The following BASP1 variants were observed in gnomAD, a reference collection of about 807,000 sequenced individuals.
BASP1 encodes the protein brain acid soluble protein 1.
In BASP1, 1 loss-of-function variant was observed where a neutral mutation model predicts 2.2. That is an observed-to-expected ratio of 0.46 (90% CI 0.16 to 2.17). The LOEUF (loss-of-function observed/expected upper bound fraction) is 2.17, where lower values mean the gene tolerates loss of function less well. Ranked by LOEUF, BASP1 falls within the 30% of genes most tolerant of loss-of-function variation. The pLI is 0.27. For missense variants in BASP1, 352 were observed against 327.2 expected (o/e 1.08, Z -0.58); for synonymous variants, 187 against 154.2 (o/e 1.21, Z -1.58).
At chr5:17,244,749 T>C (rs1455171872) in intron 1 of BASP1, among the ~76,000 whole-genome samples, 4 of 150,552 alleles carry the variant, frequency 2.7e-5, no homozygotes, top group Admixed American at 2.6e-4. Flanking sequence ...TGTAGTGCAG[T>C]GGTGCGATCT....
chr5:17,242,641 TTTTAA>T (rs1739890808), intron 1 of BASP1, among the ~76,000 whole-genome samples: 1 of 152,208 alleles, frequency 6.6e-6, no homozygotes, highest in African/African-American at 2.4e-5. Flanking sequence ...GGGCTTCTTA[TTTTAA>T]TTTAAGGGGG....
At position 17,236,333 on chromosome 5, in the gene BASP1, G is replaced by A. The variant is rs538839537; in HGVS notation, c.-10+18523G>A. Among the ~76,000 whole-genome samples, 16 of 152,112 alleles carry A rather than the reference G, an allele frequency of 1.1e-4. No individual in the cohort carries two copies. The highest frequency in any genetic ancestry group is 3.4e-3 in the Middle Eastern group (1 of 294). On this transcript the variant is annotated intron_variant, in intron 1 of 1. Coordinates refer to ENST00000322611, the MANE Select transcript of BASP1 (RefSeq NM_006317.5). This position sits in a 1 kb window ranked among gnomAD's most constrained non-coding sequence, Gnocchi z 4.0. ...GGCTGGAGTGTAATGGCGTGATCTCGGCTCACTGTGGCCTCTGCCTCCCGG... is the reference window on the plus strand; with the variant it reads ...GGCTGGAGTGTAATGGCGTGATCTCAGCTCACTGTGGCCTCTGCCTCCCGG...
chr5:17,250,557 G>A (rs1203279889), intron 1 of BASP1, among the ~76,000 whole-genome samples: 2 of 152,064 alleles, frequency 1.3e-5, no homozygotes, highest in South Asian at 2.1e-4. Context: ...GGAAGGGGTC[G>A]CATGAATATT....
intron 1 of BASP1, among the ~76,000 whole-genome samples, chr5:17,245,018 G>GT (rs1225698250): frequency 1.3e-5 from 2 of 149,468 alleles, no homozygotes; most frequent in Non-Finnish European, 1.5e-5. Context: ...AAATATCAGT[G>GT]TTGAGCCGGG....
intron 1 of BASP1, among the ~76,000 whole-genome samples, chr5:17,232,445 G>A (rs1401040231): frequency 3.9e-5 from 6 of 152,190 alleles, no homozygotes; most frequent in African/African-American, 9.7e-5. Context: ...AAGTAAAAAC[G>A]AATTTAGCTC....
chr5:17,219,209 C>T (rs1342085340), intron 1 of BASP1, among the ~76,000 whole-genome samples: 1 of 151,884 alleles, frequency 6.6e-6, no homozygotes, highest in Non-Finnish European at 1.5e-5. Context: ...GTCTTGGCCT[C>T]GCGCATGCGC....
chr5:17,267,896 C>T (rs999084648), intron 1 of BASP1, among the ~76,000 whole-genome samples: 3 of 136,876 alleles, frequency 2.2e-5, no homozygotes, highest in South Asian at 4.8e-4. Context: ...GTTGAAATGA[C>T]GTATGAAGAC....
intron 1 of BASP1, among the ~76,000 whole-genome samples, chr5:17,237,094 G>C (rs1272061285): frequency 6.6e-6 from 1 of 151,978 alleles, no homozygotes; most frequent in Non-Finnish European, 1.5e-5. Context: ...GCCTGTAATT[G>C]CAGCACTTTG....
intron 1 of BASP1, among the ~76,000 whole-genome samples, chr5:17,242,243 A>G (rs952191106): frequency 6.6e-6 from 1 of 152,194 alleles, no homozygotes; most frequent in Non-Finnish European, 1.5e-5. Context: ...AAATGCAAGA[A>G]ATAGTAGAAG....
chr5:17,250,958 A>G (rs1033294650), intron 1 of BASP1, among the ~76,000 whole-genome samples: 7 of 152,228 alleles, frequency 4.6e-5, no homozygotes, highest in African/African-American at 1.7e-4. Flanking sequence ...AGCGATCTAC[A>G]CGCTGTTAGA....
intron 1 of BASP1, among the ~76,000 whole-genome samples, chr5:17,271,683 AT>A (rs369343687): frequency 6.6e-6 from 1 of 152,228 alleles, no homozygotes; most frequent in South Asian, 2.1e-4. Context: ...CTATTGCTGT[AT>A]TTTTTTAACT....
intron 1 of BASP1, among the ~76,000 whole-genome samples, chr5:17,219,589 C>T (rs1739352494): frequency 6.6e-6 from 1 of 152,090 alleles, no homozygotes; most frequent in South Asian, 2.1e-4. Context: ...ATCAATTAAC[C>T]GTTTGACAGA....
intron 1 of BASP1, among the ~76,000 whole-genome samples, chr5:17,233,472 G>T (rs1739676478): frequency 6.6e-6 from 1 of 152,180 alleles, no homozygotes; most frequent in Admixed American, 6.5e-5. Flanking sequence ...GGGTCATCTA[G>T]TCCAGAAGGC....
At chr5:17,259,288 C>A (rs115618601) in intron 1 of BASP1, among the ~76,000 whole-genome samples, 2,943 of 152,244 alleles carry the variant, frequency 0.019, 106 homozygotes, top group African/African-American at 0.066. Context: ...GCAGGAAAGA[C>A]CTGCCCCCAT....
chr5:17,221,014 A>G (rs1398216159), intron 1 of BASP1, among the ~76,000 whole-genome samples: 1 of 152,238 alleles, frequency 6.6e-6, no homozygotes, highest in African/African-American at 2.4e-5. Flanking sequence ...GTATATACAC[A>G]TGTACACATA....
chr5:17,236,485 A>G lies in BASP1; in HGVS notation c.-10+18675A>G, dbSNP rs554927719. Among the ~76,000 whole-genome samples the G allele has an allele frequency of 6.6e-6, 1 of 151,986 alleles. No homozygotes were observed. Among genetic ancestry groups the G allele is most frequent in the Non-Finnish European group, 1.5e-5 (1 of 67,984 alleles). On this transcript the variant is annotated intron_variant, in intron 1 of 1. Coordinates refer to ENST00000322611, the MANE Select transcript of BASP1 (RefSeq NM_006317.5). The surrounding 1 kb of genome is among the most constrained non-coding windows in gnomAD (Gnocchi z 4.0). ...TCGCCTTGTTGGTCAGGCTGGTCTC[A>G]AACTCCTGACCTTAGGTGATCCGCC...
rs562588998 is a variant in BASP1, at chr5:17,223,333, G to A, written c.-10+5523G>A. Among the ~76,000 whole-genome samples, 11 of 152,254 alleles carry A rather than the reference G, an allele frequency of 7.2e-5. No homozygotes were observed. The South Asian group carries it at 2.3e-3, about 32-fold the overall frequency. ...GTTACTGTAAGTATTAAACAAAATT[G>A]TCATGCACTTAGGACAATGCCTCCT... On this transcript the variant is annotated intron_variant, in intron 1 of 1. Coordinates refer to ENST00000322611, the MANE Select transcript of BASP1 (RefSeq NM_006317.5).
chr5:17,243,044 T>G lies in BASP1; in HGVS notation c.-10+25234T>G, dbSNP rs75824130. 2.5e-3 allele frequency among the ~76,000 whole-genome samples: 386 copies of G among 152,096 alleles called. 8 individuals carry two copies. In the East Asian group the frequency reaches 0.053, roughly 21 times the overall value. ...ACCAGATCATGTGTGTAAAGGGAAA[T>G]GGAACATTCTGGAACACCTGTAGTC... On this transcript the variant is annotated intron_variant, in intron 1 of 1. Transcript: ENST00000322611.
chr5:17,263,841 T>A (rs1653625183), intron 1 of BASP1, among the ~76,000 whole-genome samples: 1 of 152,244 alleles, frequency 6.6e-6, no homozygotes, highest in Non-Finnish European at 1.5e-5. Context: ...TTTTTACTCA[T>A]GATATTTCAA....
Sources: allele counts gnomAD v4.1 joint callset (sites outside exome capture counted in the v4.1 genomes callset), GRCh38; gene constraint gnomAD v4.1.1; non-coding constraint Gnocchi (gnomAD v3.1); transcripts MANE v1.5; gene names NCBI Gene and HGNC (gene_info 2026-07-23, HGNC 2026-07-21).